PTPRN2: variants seen among roughly 807,000 people sequenced by gnomAD.
PTPRN2 encodes protein tyrosine phosphatase receptor type N2.
A neutral mutation model predicts 118.8 loss-of-function variants in PTPRN2; 74 were observed. The observed-to-expected ratio is 0.62, with a 90% confidence interval of 0.52 to 0.76. The LOEUF (loss-of-function observed/expected upper bound fraction) is 0.76, where lower values mean the gene tolerates loss of function less well. Among genes scored for constraint, PTPRN2 ranks in the 30% least tolerant of loss-of-function variants. The pLI is 0.00. For synonymous variants in PTPRN2, 641 were observed against 608.0 expected, an observed-to-expected ratio of 1.05 and a Z score of -0.80; for missense variants, 1,481 against 1,394.4, an observed-to-expected ratio of 1.06 and a Z score of -0.99.
At chr7:158,573,357 C>T (rs1160590558) in intron 1 of PTPRN2, among the ~76,000 whole-genome samples, 1 of 152,148 alleles carries the variant, frequency 6.6e-6, no homozygotes, top group Non-Finnish European at 1.5e-5. Context: ...AAACAATTTT[C>T]AGAAAAAGAT....
At chr7:157,608,766 T>A (rs1277828716) in intron 15 of PTPRN2, among the ~76,000 whole-genome samples, 1 of 152,168 alleles carries the variant, frequency 6.6e-6, no homozygotes, top group Non-Finnish European at 1.5e-5. Context: ...CCCTGGCCTG[T>A]GCTCGGGGAA....
intron 3 of PTPRN2, among the ~76,000 whole-genome samples, chr7:158,262,873 C>A: frequency 6.8e-6 from 1 of 146,276 alleles, no homozygotes; most frequent in East Asian, 2.0e-4. Flanking sequence ...CATTCACACA[C>A]TGCACACACA....
chr7:158,366,070 T>TGC (rs1372665415), intron 2 of PTPRN2, among the ~76,000 whole-genome samples: 1 of 129,594 alleles, frequency 7.7e-6, no homozygotes, highest in Non-Finnish European at 1.6e-5. Flanking sequence ...AATGCACGCG[T>TGC]GCACACACAC....
At chr7:157,983,945 C>T (rs1028632188) in intron 11 of PTPRN2, among the ~76,000 whole-genome samples, 1 of 152,138 alleles carries the variant, frequency 6.6e-6, no homozygotes, top group African/African-American at 2.4e-5. Flanking sequence ...GCCCTGCAGC[C>T]TCCCTGGAAT....
At chr7:157,650,043 A>G (rs899214710) in intron 14 of PTPRN2, among the ~76,000 whole-genome samples, 5 of 152,236 alleles carry the variant, frequency 3.3e-5, no homozygotes, top group East Asian at 1.9e-4. Context: ...ATGGCTCTCA[A>G]AGGAGCTCCC....
chr7:157,682,180 T>C (rs1796944998), intron 13 of PTPRN2, among the ~76,000 whole-genome samples: 3 of 152,144 alleles, frequency 2.0e-5, no homozygotes, highest in Admixed American at 2.0e-4. Flanking sequence ...CCAGCTCATT[T>C]CCAGGGGTGT....
intron 3 of PTPRN2, among the ~76,000 whole-genome samples, chr7:158,259,453 C>T (rs952392363): frequency 3.3e-5 from 5 of 152,194 alleles, no homozygotes; most frequent in Non-Finnish European, 5.9e-5. Context: ...CCCTCAGAGC[C>T]CCTGGGAAAA....
At position 157,617,554 on chromosome 7, in the gene PTPRN2, C is replaced by T. The variant is rs1306066614; in HGVS notation, c.2344+3808G>A. 6.6e-6 allele frequency: 1 copy of T among 152,394 alleles called. No homozygotes were observed. The highest frequency in any genetic ancestry group is 1.5e-5 in the Non-Finnish European group (1 of 68,154). The allele number at this position is 152,394 out of a possible 1,614,324, so 9.4% of individuals were successfully genotyped here. A position where few individuals can be genotyped will look rare whatever the true frequency, so the allele number is the denominator to read the frequency against. On this transcript the variant is annotated intron_variant, in intron 15 of 22. Coordinates refer to ENST00000389418, the MANE Select transcript of PTPRN2 (RefSeq NM_002847.5). The surrounding 1 kb of genome is among the most constrained non-coding windows in gnomAD (Gnocchi z 7.5). Reference sequence around the variant, plus strand: ...CACGGGGGATGCTGGCTCACGATGCCCCAGTGATGCCATGGTTAGGATGCT... The same window carrying T: ...CACGGGGGATGCTGGCTCACGATGCTCCAGTGATGCCATGGTTAGGATGCT...
chr7:158,149,544 C>T (rs1047755875), intron 6 of PTPRN2, among the ~76,000 whole-genome samples: 1 of 152,118 alleles, frequency 6.6e-6, no homozygotes, highest in African/African-American at 2.4e-5. Context: ...TGGCTCATGC[C>T]TGTAATCCCA....
chr7:158,271,356 T>C (rs1383585672), intron 3 of PTPRN2, among the ~76,000 whole-genome samples: 1 of 152,240 alleles, frequency 6.6e-6, no homozygotes, highest in Non-Finnish European at 1.5e-5. Flanking sequence ...GGCAGATCCA[T>C]ACTGTTGAAG....
intron 11 of PTPRN2, among the ~76,000 whole-genome samples, chr7:157,966,909 C>G (rs111323952): frequency 0.012 from 1,862 of 152,336 alleles, 44 homozygotes; most frequent in African/African-American, 0.043. Context: ...ATCTTCATCA[C>G]CACTCTCATC....
At chr7:157,960,375 G>T (rs1187314171) in intron 11 of PTPRN2, among the ~76,000 whole-genome samples, 1 of 152,192 alleles carries the variant, frequency 6.6e-6, no homozygotes, top group Non-Finnish European at 1.5e-5. Flanking sequence ...CATTGCAAAA[G>T]AAGCATGGGA....
intron 10 of PTPRN2, among the ~76,000 whole-genome samples, chr7:158,091,295 A>T (rs925837197): frequency 6.6e-6 from 1 of 152,246 alleles, no homozygotes; most frequent in African/African-American, 2.4e-5. Context: ...CTTTTTGTGG[A>T]TAAAAAGAAG....
intron 2 of PTPRN2, among the ~76,000 whole-genome samples, chr7:158,448,610 C>T (rs1460461125): frequency 1.3e-5 from 2 of 152,234 alleles, no homozygotes. Flanking sequence ...AGGGGCTCCT[C>T]CTGCAGCTCC....
chr7:158,084,922 C>A (rs1367430401), intron 10 of PTPRN2, among the ~76,000 whole-genome samples: 10 of 143,170 alleles, frequency 7.0e-5, no homozygotes, highest in African/African-American at 2.6e-4. Context: ...CCCACCACGC[C>A]CATCCACACC....
At chr7:157,786,185 C>T (rs59547169) in intron 12 of PTPRN2, among the ~76,000 whole-genome samples, 33,792 of 152,222 alleles carry the variant, frequency 0.22, 6,090 homozygotes, top group African/African-American at 0.5. Flanking sequence ...ACAAACCACA[C>T]GGGGAACGGC....
intron 11 of PTPRN2, among the ~76,000 whole-genome samples, chr7:157,973,089 G>A (rs991566987): frequency 1.3e-5 from 2 of 152,226 alleles, no homozygotes; most frequent in African/African-American, 4.8e-5. Flanking sequence ...ACTGAAGCCA[G>A]GGGTGACATA....
At position 157,850,689 on chromosome 7, in the gene PTPRN2, G is replaced by A. The variant is rs557036881; in HGVS notation, c.1788+47984C>T. Among the ~76,000 whole-genome samples, 4 of 152,350 alleles carry A rather than the reference G, an allele frequency of 2.6e-5. No individual in the cohort carries two copies. The South Asian group carries it at 6.2e-4, about 24-fold the overall frequency. On this transcript the variant is annotated intron_variant, in intron 12 of 22. Coordinates refer to ENST00000389418, the MANE Select transcript of PTPRN2 (RefSeq NM_002847.5). ...TCCAATTCCTTGACAGACAAAAGGT[G>A]TAGAATAGCCTGGGATTCCAGGTTC...
chr7:157,682,875 C>G lies in PTPRN2; in HGVS notation c.1851G>C (p.Ala617=). ...TGCAGGCGAGGGAGACCAGGGTGAG[C>G]GCGATGAACTTGGTGGAGTCTTCTT... is the stretch of plus-strand genomic sequence containing the variant. The part of the protein sequence containing the change: ...AEQEDSTKFI[A]LTLVSLACIL... Residue 617 remains alanine (A), a synonymous_variant, in exon 13 of 23, where the codon GCG becomes GCC. Transcript: ENST00000389418. The G allele has an allele frequency of 6.2e-7, 1 of 1,614,010 alleles. No individual in the cohort carries two copies. Among genetic ancestry groups the G allele is most frequent in the Non-Finnish European group, 8.5e-7 (1 of 1,179,974 alleles).
Sources: gnomAD v4.1 joint callset for allele counts (sites outside exome capture counted in the v4.1 genomes callset) on GRCh38, gnomAD v4.1.1 for gene constraint, Gnocchi (gnomAD v3.1) non-coding constraint, MANE v1.5 for transcripts, NCBI Gene and HGNC (gene_info 2026-07-23, HGNC 2026-07-21) for gene names.